Variants in MSTO1 observed in about 807,000 individuals in gnomAD.
The protein encoded by MSTO1 is misato mitochondrial distribution and morphology regulator 1, also known as protein misato homolog 1.
A neutral mutation model predicts 55.7 loss-of-function variants in MSTO1; 24 were observed. The observed-to-expected ratio is 0.43, with a 90% CI of 0.31 to 0.61. MSTO1 has a LOEUF of 0.61. Ranked by LOEUF, MSTO1 falls within the 20% of genes least tolerant of loss-of-function variation. The pLI, the probability that MSTO1 is intolerant of heterozygous loss-of-function variation, is 0.09. For synonymous variants in MSTO1, 162 were observed against 252.8 expected, an observed-to-expected ratio of 0.64 and a Z score of 3.41; for missense variants, 363 against 625.7, an observed-to-expected ratio of 0.58 and a Z score of 4.48.
At chr1:155,593,472 C>T in the MSTO1 span, among the ~76,000 whole-genome samples, 3 of 152,220 alleles carry the variant, frequency 2.0e-5, no homozygotes, top group Non-Finnish European at 4.4e-5. Context: ...GGTTCACCAT[C>T]TACTAACTCT....
At chr1:155,587,367 G>C in the MSTO1 span, among the ~76,000 whole-genome samples, 1 of 150,530 alleles carries the variant, frequency 6.6e-6, no homozygotes, top group Non-Finnish European at 1.5e-5. Context: ...TTCAACCCGG[G>C]AGGTGGAGGT....
the MSTO1 span, chr1:155,563,328 C>T: frequency 8.8e-6 from 4 of 455,436 alleles, no homozygotes; most frequent in Non-Finnish European, 1.8e-5. Flanking sequence ...CCTCGACTCA[C>T]GGTGAGGGAA....
chr1:155,590,059 G>A, the MSTO1 span, among the ~76,000 whole-genome samples: 1 of 152,008 alleles, frequency 6.6e-6, no homozygotes, highest in Non-Finnish European at 1.5e-5. Context: ...GGGGGCGGGG[G>A]TCTACATAGC....
At chr1:155,567,986 G>A in the MSTO1 span, among the ~76,000 whole-genome samples, 11 of 151,684 alleles carry the variant, frequency 7.3e-5, no homozygotes, top group East Asian at 1.2e-3. Flanking sequence ...TGCAGTGAGC[G>A]GAGATTGCAC....
chr1:155,580,410 C>T, the MSTO1 span, among the ~76,000 whole-genome samples: 1 of 151,940 alleles, frequency 6.6e-6, no homozygotes, highest in East Asian at 1.9e-4. Flanking sequence ...TGGTGTGCAC[C>T]TGTGGTCCCA....
chr1:155,580,102 C>T, the MSTO1 span, among the ~76,000 whole-genome samples: 1 of 150,328 alleles, frequency 6.7e-6, no homozygotes, highest in East Asian at 2.0e-4. Context: ...AAAAAAGAAT[C>T]TGTTATTCTC....
chr1:155,598,955 G>T, the MSTO1 span: 3 of 1,167,462 alleles, frequency 2.6e-6, no homozygotes, highest in South Asian at 3.9e-5. Flanking sequence ...GTTAGGTTCA[G>T]TTATCTTGTT....
upstream of MSTO1, among the ~76,000 whole-genome samples, chr1:155,608,304 G>A (rs1672995869): frequency 6.6e-6 from 1 of 152,108 alleles, no homozygotes; most frequent in South Asian, 2.1e-4. Context: ...GACTACAGAT[G>A]TGGGCTGCCT....
the MSTO1 span, among the ~76,000 whole-genome samples, chr1:155,581,427 C>T: frequency 6.6e-6 from 1 of 151,970 alleles, no homozygotes; most frequent in South Asian, 2.1e-4. Context: ...TATTTTGAGA[C>T]AGAGTCTCAC....
At chr1:155,576,183 G>A in the MSTO1 span, among the ~76,000 whole-genome samples, 1 of 152,018 alleles carries the variant, frequency 6.6e-6, no homozygotes, top group Non-Finnish European at 1.5e-5. Flanking sequence ...ATATTATGGA[G>A]ATAAGTTAAG....
chr1:155,573,475 G>C, the MSTO1 span, among the ~76,000 whole-genome samples: 1 of 152,064 alleles, frequency 6.6e-6, no homozygotes, highest in Non-Finnish European at 1.5e-5. Context: ...AAGGTAGACA[G>C]ATCGCTTGAG....
chr1:155,577,391 C>T, the MSTO1 span, among the ~76,000 whole-genome samples: 1 of 152,066 alleles, frequency 6.6e-6, no homozygotes, highest in Non-Finnish European at 1.5e-5. Context: ...CCCGGCCGCC[C>T]CCTCCAAGTT....
chr1:155,602,011 C>T, the MSTO1 span: 6 of 473,908 alleles, frequency 1.3e-5, no homozygotes, highest in Non-Finnish European at 1.3e-5. Context: ...ACCTCAGCCT[C>T]CCAAAGTGCT....
At chr1:155,593,119 G>A in the MSTO1 span, among the ~76,000 whole-genome samples, 1 of 151,918 alleles carries the variant, frequency 6.6e-6, no homozygotes, top group Non-Finnish European at 1.5e-5. Flanking sequence ...TCACCATTTA[G>A]GCCAAGCTGG....
chr1:155,575,824 A>ATTTC, the MSTO1 span, among the ~76,000 whole-genome samples: 5 of 144,188 alleles, frequency 3.5e-5, no homozygotes, highest in African/African-American at 1.3e-4. Flanking sequence ...TTATTTATTT[A>ATTTC]TTTATTTATT....
the MSTO1 span, among the ~76,000 whole-genome samples, chr1:155,570,394 C>T: frequency 6.6e-6 from 1 of 152,176 alleles, no homozygotes; most frequent in Admixed American, 6.6e-5. Flanking sequence ...GCTGTACGTG[C>T]TCCCATTGGT....
the MSTO1 span, among the ~76,000 whole-genome samples, chr1:155,595,951 C>A: frequency 5.3e-5 from 8 of 152,270 alleles, no homozygotes; most frequent in Admixed American, 6.5e-5. Flanking sequence ...ATTTTCTAGT[C>A]CAGTTCCCTA....
At chr1:155,606,378 T>C (rs1672935688), upstream of MSTO1, among the ~76,000 whole-genome samples, 2 of 150,146 alleles carry the variant, frequency 1.3e-5, no homozygotes, top group South Asian at 4.2e-4. Flanking sequence ...ACTTTTTTTT[T>C]TCTATTTTTT....
At chr1:155,613,440 G>A (rs1315748761) in intron 11 of MSTO1, 22 bp from the exon 12 acceptor site, 21 of 1,613,876 alleles carry the variant, frequency 1.3e-5, no homozygotes, top group African/African-American at 2.7e-5. Flanking sequence ...GACTAATGGT[G>A]GTTTTGGCTT....
Sources: gnomAD v4.1 joint callset for allele counts (sites outside exome capture counted in the v4.1 genomes callset) on GRCh38, gnomAD v4.1.1 for gene constraint, MANE v1.5 for transcripts, NCBI Gene and HGNC (gene_info 2026-07-23, HGNC 2026-07-21) for gene names.